DLGAP4: variants seen among roughly 807,000 people sequenced by gnomAD.
DLGAP4 encodes DLG associated protein 4.
A neutral mutation model predicts 86.9 loss-of-function variants in DLGAP4; 18 were observed. That is an observed-to-expected ratio of 0.21 (90% CI 0.14 to 0.31). The LOEUF (loss-of-function observed/expected upper bound fraction) is 0.31, where lower values mean the gene tolerates loss of function less well. Among genes scored for constraint, DLGAP4 ranks in the 10% least tolerant of loss-of-function variants. The probability of loss-of-function intolerance (pLI) is 1.00; values close to 1 mark genes in which losing one functional copy is unlikely to be tolerated. For missense variants in DLGAP4, 1,085 were observed against 1,362.6 expected (o/e 0.80, Z 3.21); for synonymous variants, 548 against 574.3 (o/e 0.95, Z 0.65).
At chr20:36,396,381 A>AC (rs1569484583) in intron 2 of DLGAP4, among the ~76,000 whole-genome samples, 55 of 44,088 alleles carry the variant, frequency 1.2e-3, no homozygotes, top group African/African-American at 1.9e-3. Flanking sequence ...CACACCCCAC[A>AC]TACACACATG....
intron 1 of DLGAP4, among the ~76,000 whole-genome samples, chr20:36,307,752 A>C (rs573600239): frequency 1.9e-4 from 29 of 152,154 alleles, no homozygotes; most frequent in African/African-American, 7.0e-4. Flanking sequence ...CCTCCTCTCC[A>C]AGCCTAGTCC....
At chr20:36,320,118 G>GC (rs1162166822) in intron 1 of DLGAP4, among the ~76,000 whole-genome samples, 3 of 119,026 alleles carry the variant, frequency 2.5e-5, no homozygotes, top group African/African-American at 3.5e-5. Flanking sequence ...ATTCCCCTAG[G>GC]CCCCCCTCTG....
At chr20:36,332,764 G>A (rs1409202678) in intron 1 of DLGAP4, among the ~76,000 whole-genome samples, 1 of 152,014 alleles carries the variant, frequency 6.6e-6, no homozygotes, top group African/African-American at 2.4e-5. Context: ...ATCAGAGCTG[G>A]GCCTGCCTGG....
chr20:36,429,856 G>A (rs1203703139), intron 2 of DLGAP4, among the ~76,000 whole-genome samples: 1 of 152,174 alleles, frequency 6.6e-6, no homozygotes, highest in Admixed American at 6.6e-5. Context: ...ATATTTGGGG[G>A]CCATTATTCT....
At chr20:36,360,361 A>G (rs1375564451) in intron 1 of DLGAP4, among the ~76,000 whole-genome samples, 4 of 151,852 alleles carry the variant, frequency 2.6e-5, no homozygotes, top group African/African-American at 9.7e-5. Context: ...TTCCACCTTC[A>G]TCTCTGTCAC....
chr20:36,438,773 A>G (rs1004396844), intron 4 of DLGAP4, among the ~76,000 whole-genome samples: 2 of 149,204 alleles, frequency 1.3e-5, no homozygotes, highest in African/African-American at 5.0e-5. Context: ...CAGTGGCACA[A>G]ACTTGGTTCA....
chr20:36,369,796 C>T lies in DLGAP4; in HGVS notation c.-73+2521C>T, dbSNP rs144171710. ...CTTTCTATTACATATCACAGTAAAA[C>T]GGCTAAAAAACAATTGTAAAAATAA... On this transcript the variant is annotated intron_variant, in intron 2 of 12. Coordinates refer to ENST00000339266, the MANE Select transcript of DLGAP4 (RefSeq NM_001365621.2). Among the ~76,000 whole-genome samples the T allele has an allele frequency of 1.1e-4, 16 of 152,234 alleles. No individual in the cohort carries two copies. The East Asian group carries it at 1.3e-3, about 13-fold the overall frequency.
At chr20:36,483,738 A>G (rs943387085) in intron 7 of DLGAP4, among the ~76,000 whole-genome samples, 6 of 152,184 alleles carry the variant, frequency 3.9e-5, no homozygotes, top group Non-Finnish European at 1.5e-5. Flanking sequence ...ATGTGGGGCC[A>G]TGTGTCTGGA....
Position 36,325,751 on chromosome 20 carries a change from C to T in DLGAP4, c.-304+19239C>T, listed in dbSNP as rs2065209506. ...TTTTTTTTTGAGACTGAGTCTCGCT[C>T]TGTTGCCTGGGCTGGAGTACAATGG... On this transcript the variant is annotated intron_variant, in intron 1 of 12. Transcript: ENST00000339266. 2.0e-5 allele frequency among the ~76,000 whole-genome samples: 3 copies of T among 149,274 alleles called. No homozygotes were observed. In the South Asian group the frequency reaches 6.3e-4, roughly 31 times the overall value.
chr20:36,455,421 AC>A (rs2033855094), intron 7 of DLGAP4, among the ~76,000 whole-genome samples: 1 of 151,822 alleles, frequency 6.6e-6, no homozygotes, highest in Non-Finnish European at 1.5e-5. Flanking sequence ...TGCAGGGTGT[AC>A]CCCCACTCCT....
rs774529250 is a variant in DLGAP4 at position 36,526,909 on chromosome 20, C to T, written c.2857C>T (p.Arg953Cys). Residue 953 changes from arginine (R) to cysteine (C), a missense_variant, in exon 13 of 13, where the codon CGC becomes TGC. Transcript: ENST00000339266. ...DKASDASDKQ[R>C]QEARKRLLAA... ...GGCCTCAGACGCCAGCGACAAGCAG[C>T]GCCAGGAGGCCCGCAAGAGACTCCT... The T allele has an allele frequency of 3.1e-6, 5 of 1,613,604 alleles. No homozygotes were observed. The highest frequency in any genetic ancestry group is 3.4e-6 in the Non-Finnish European group (4 of 1,179,886).
chr20:36,476,488 C>T (rs920756087), intron 7 of DLGAP4, among the ~76,000 whole-genome samples: 14 of 150,586 alleles, frequency 9.3e-5, no homozygotes, highest in African/African-American at 1.7e-4. Context: ...CCACCATGCC[C>T]GGCTAATTTT....
At chr20:36,374,942 C>A (rs980727365) in intron 2 of DLGAP4, among the ~76,000 whole-genome samples, 3 of 152,264 alleles carry the variant, frequency 2.0e-5, no homozygotes, top group African/African-American at 7.2e-5. Context: ...TGTCTGCAAA[C>A]CCTGCTGGGA....
intron 1 of DLGAP4, among the ~76,000 whole-genome samples, chr20:36,307,233 C>T (rs1423316850): frequency 1.3e-5 from 2 of 152,186 alleles, no homozygotes; most frequent in Non-Finnish European, 2.9e-5. Context: ...CCACGTGCGG[C>T]GCCCCGCGGA....
At chr20:36,504,621 G>A (rs951222519) in intron 10 of DLGAP4, among the ~76,000 whole-genome samples, 9 of 152,148 alleles carry the variant, frequency 5.9e-5, no homozygotes, top group Non-Finnish European at 5.9e-5. Context: ...AGCAAAGCAC[G>A]AAGGTTCCAG....
At chr20:36,375,720 C>G (rs1285395349) in intron 2 of DLGAP4, among the ~76,000 whole-genome samples, 2 of 152,146 alleles carry the variant, frequency 1.3e-5, no homozygotes, top group African/African-American at 4.8e-5. Context: ...CTGGGAGGGG[C>G]TCTCTGAAGA....
intron 2 of DLGAP4, among the ~76,000 whole-genome samples, chr20:36,379,682 CAGGT>C (rs2031300278): frequency 1.3e-5 from 2 of 152,122 alleles, no homozygotes; most frequent in Admixed American, 1.3e-4. Flanking sequence ...TGACAGCACA[CAGGT>C]AGAGTGAGCA....
intron 2 of DLGAP4, among the ~76,000 whole-genome samples, chr20:36,389,811 G>T (rs1207369363): frequency 6.6e-6 from 1 of 152,206 alleles, no homozygotes; most frequent in African/African-American, 2.4e-5. Flanking sequence ...CCCTTGAAAG[G>T]AAAATAAGTC....
chr20:36,395,746 G>A (rs1427221787), intron 2 of DLGAP4, among the ~76,000 whole-genome samples: 3 of 152,076 alleles, frequency 2.0e-5, no homozygotes, highest in East Asian at 1.9e-4. Context: ...TGATCCGCCC[G>A]CCTCGGCCTC....
Sources: gnomAD v4.1 joint callset for allele counts (sites outside exome capture counted in the v4.1 genomes callset) on GRCh38, gnomAD v4.1.1 for gene constraint, MANE v1.5 for transcripts, NCBI Gene and HGNC (gene_info 2026-07-23, HGNC 2026-07-21) for gene names.